Variants in OCA2 observed in about 807,000 individuals in gnomAD.
The protein encoded by OCA2 is P protein.
Under a neutral mutation model 100.2 loss-of-function variants are expected in OCA2, and 77 were observed. The observed-to-expected ratio is 0.77, with a 90% CI of 0.64 to 0.93. The LOEUF (loss-of-function observed/expected upper bound fraction) is 0.93, where lower values mean the gene tolerates loss of function less well. OCA2 is among the 40% of genes least tolerant of loss of function. The pLI, the probability that OCA2 is intolerant of heterozygous loss-of-function variation, is 0.00. For synonymous variants in OCA2, 432 were observed against 439.2 expected, an observed-to-expected ratio of 0.98 and a Z score of 0.21; for missense variants, 1,062 against 1,089.1, an observed-to-expected ratio of 0.98 and a Z score of 0.35.
rs114797209 is a variant in OCA2, at chr15:27,794,118, C to G, written c.2433-38646G>C. Among the ~76,000 whole-genome samples the G allele has an allele frequency of 6.1e-3, 936 of 152,278 alleles. 17 individuals are homozygous for G. Among genetic ancestry groups the G allele is most frequent in the African/African-American group, 0.021 (872 of 41,564 alleles). On this transcript the variant is annotated intron_variant, in intron 23 of 23. Coordinates refer to ENST00000354638, the MANE Select transcript of OCA2 (RefSeq NM_000275.3). ...GAGAAGATAAGGTGTGCCAAAAGCT[C>G]CAAGAATGTGTGTGTTCCTGGATCA...
downstream of OCA2, among the ~76,000 whole-genome samples, chr15:27,754,006 G>T (rs1298621266): frequency 1.3e-5 from 2 of 152,018 alleles, no homozygotes; most frequent in African/African-American, 4.8e-5. Context: ...GGGATATCCA[G>T]GTCCAGTGAG....
At chr15:27,753,884 G>A (rs1193905320), downstream of OCA2, among the ~76,000 whole-genome samples, 1 of 152,162 alleles carries the variant, frequency 6.6e-6, no homozygotes, top group East Asian at 1.9e-4. Flanking sequence ...AAGGATGAAA[G>A]AGCAGATGGG....
intron 9 of OCA2, among the ~76,000 whole-genome samples, chr15:28,014,526 C>T (rs1371462679): frequency 1.3e-5 from 2 of 152,192 alleles, no homozygotes; most frequent in African/African-American, 2.4e-5. Flanking sequence ...ATCGTATGCA[C>T]ATTCTGTTTT....
chr15:27,865,467 G>C (rs1239303908), intron 21 of OCA2, among the ~76,000 whole-genome samples: 1 of 152,190 alleles, frequency 6.6e-6, no homozygotes, highest in South Asian at 2.1e-4. Flanking sequence ...CTGACTGGGC[G>C]GCGAGAGCCC....
At chr15:27,756,850 A>C (rs559540712) in intron 23 of OCA2, among the ~76,000 whole-genome samples, 51 of 152,352 alleles carry the variant, frequency 3.3e-4, no homozygotes, top group Non-Finnish European at 7.1e-4. Context: ...GAGAAGCCCA[A>C]GACTGGAGAA....
intron 9 of OCA2, among the ~76,000 whole-genome samples, chr15:27,993,373 A>G (rs12595216): frequency 0.6 from 91,607 of 151,978 alleles, 31,819 homozygotes; most frequent in Non-Finnish European, 0.79. Context: ...AAGGACACGC[A>G]CACCCAGGAT....
In OCA2 at chr15:27,843,274, A is replaced by G. The variant is rs181725831; in HGVS notation, c.2432+1685T>C. ...GTTAGGAGCCCGGCCCAAATGAAGG[A>G]GGCAGAGCTGGTAGAGAGGGTGAAC... On this transcript the variant is annotated intron_variant, in intron 23 of 23. Transcript: ENST00000354638. Among the ~76,000 whole-genome samples the G allele has an allele frequency of 4.1e-3, 628 of 152,244 alleles. 3 individuals are homozygous for G. Among genetic ancestry groups the G allele is most frequent in the African/African-American group, 0.014 (600 of 41,548 alleles).
chr15:27,938,979 C>T (rs1375169), intron 18 of OCA2, among the ~76,000 whole-genome samples: 31,784 of 152,086 alleles, frequency 0.21, 3,859 homozygotes, highest in South Asian at 0.37. Flanking sequence ...CACCAAGGTA[C>T]CATAGGGGTC....
rs569629398 is a variant in OCA2 at position 27,917,136 on chromosome 15, C to T, written c.2079+8991G>A. The stretch of plus-strand genomic sequence containing the variant: ...CAAACCTTACTCTCTTCTGGGCTAA[C>T]AGTGAATAGTTTGAACATGAATAGG... On this transcript the variant is annotated intron_variant, in intron 19 of 23. Transcript: ENST00000354638. 2.0e-5 allele frequency among the ~76,000 whole-genome samples: 3 copies of T among 152,128 alleles called. No homozygotes were observed. In the East Asian group the frequency reaches 5.8e-4, roughly 29 times the overall value.
chr15:27,750,384 C>T (rs954180799), downstream of OCA2, among the ~76,000 whole-genome samples: 3 of 152,176 alleles, frequency 2.0e-5, no homozygotes, highest in African/African-American at 7.2e-5. Context: ...AATTCCTGGA[C>T]AGGCACACTC....
At chr15:27,805,670 G>C (rs1218986458) in intron 23 of OCA2, among the ~76,000 whole-genome samples, 2 of 152,186 alleles carry the variant, frequency 1.3e-5, no homozygotes, top group African/African-American at 4.8e-5. Context: ...GCTGGGACCA[G>C]AGCAGAAATG....
chr15:27,840,582 A>G (rs2035306121), intron 23 of OCA2, among the ~76,000 whole-genome samples: 1 of 152,244 alleles, frequency 6.6e-6, no homozygotes, highest in South Asian at 2.1e-4. Flanking sequence ...TCAATACACC[A>G]GAACAGAGAA....
chr15:27,945,760 C>A (rs1279505067), intron 18 of OCA2, among the ~76,000 whole-genome samples: 3 of 152,120 alleles, frequency 2.0e-5, no homozygotes, highest in African/African-American at 7.2e-5. Flanking sequence ...TTTTCCAGAA[C>A]TGAAATCTAA....
Position 28,081,817 on chromosome 15 carries a change from G to C in OCA2, c.58C>G (p.Leu20Val), listed in dbSNP as rs748332005. 3.1e-6 allele frequency: 5 copies of C among 1,612,210 alleles called. No homozygotes were observed. The highest frequency in any genetic ancestry group is 4.2e-6 in the Non-Finnish European group (5 of 1,179,830). The change falls in exon 2 of 24, where the codon CTG becomes GTG. Residue 20 changes from leucine (L) to valine (V), a missense_variant. By Grantham distance (32) the Leu-to-Val change is conservative. Coordinates refer to ENST00000354638, the MANE Select transcript of OCA2 (RefSeq NM_000275.3). Reference protein sequence around the residue: ...RYPGAPAVELLQTSVPSGLAE... With the variant: ...RYPGAPAVELVQTSVPSGLAE... ...AGTCCGCTGGGCACGGACGTCTGCA[G>C]GAGCTCCACCGCCGGCGCGCCGGGG...
At chr15:27,861,431 G>A (rs1307415072) in intron 21 of OCA2, among the ~76,000 whole-genome samples, 1 of 152,134 alleles carries the variant, frequency 6.6e-6, no homozygotes, top group Non-Finnish European at 1.5e-5. Context: ...GGCACTTGGA[G>A]TAAGTGTTCA....
chr15:27,849,865 C>T (rs1236231333), intron 22 of OCA2, among the ~76,000 whole-genome samples: 3 of 152,136 alleles, frequency 2.0e-5, no homozygotes, highest in African/African-American at 7.2e-5. Context: ...AATCTTGAGT[C>T]AACGAGAAAG....
intron 23 of OCA2, among the ~76,000 whole-genome samples, chr15:27,815,265 G>C (rs749570272): frequency 6.6e-6 from 1 of 152,180 alleles, no homozygotes; most frequent in Non-Finnish European, 1.5e-5. Context: ...CCCGCTGTTC[G>C]TGTTGCACAG....
intron 9 of OCA2, among the ~76,000 whole-genome samples, chr15:28,002,660 G>A (rs147549497): frequency 0.011 from 1,728 of 152,220 alleles, 34 homozygotes; most frequent in African/African-American, 0.037. Flanking sequence ...TTTCCTCAGC[G>A]GGCTGATGGG....
intron 21 of OCA2, among the ~76,000 whole-genome samples, chr15:27,870,683 A>AGAAGGAAGGAAGGAAAGAAGGAAG (rs1727903166): frequency 6.2e-5 from 2 of 32,164 alleles, no homozygotes; most frequent in Non-Finnish European, 1.9e-4. Flanking sequence ...AAGGAAGGAA[A>AGAAGGAAGGAAGGAAAGAAGGAAG]GAAGGAAGGA....
Sources: allele counts gnomAD v4.1 joint callset (sites outside exome capture counted in the v4.1 genomes callset), GRCh38; gene constraint gnomAD v4.1.1; transcripts MANE v1.5; gene names NCBI Gene and HGNC (gene_info 2026-07-23, HGNC 2026-07-21).